The following PCED1B variants were observed in gnomAD, a reference collection of about 807,000 sequenced individuals.
The protein encoded by PCED1B is PC-esterase domain containing 1B, also known as PC-esterase domain-containing protein 1B.
For missense variants in PCED1B, 573 were observed against 573.9 expected, an observed-to-expected ratio of 1.00 and a Z score of 0.02; for synonymous variants, 251 against 246.1, an observed-to-expected ratio of 1.02 and a Z score of -0.19.
intron 3 of PCED1B, among the ~76,000 whole-genome samples, chr12:47,228,873 CAA>C (rs1191004753): frequency 1.5e-5 from 2 of 137,658 alleles, no homozygotes; most frequent in East Asian, 2.1e-4. Context: ...AACTCCGTCT[CAA>C]AAAAAAAAAG....
intron 2 of PCED1B, among the ~76,000 whole-genome samples, chr12:47,144,219 A>G (rs750352079): frequency 1.3e-5 from 2 of 152,148 alleles, no homozygotes; most frequent in Non-Finnish European, 2.9e-5. Context: ...GCAGCCGAGG[A>G]GCAATGCACT....
rs201460011 is a variant in PCED1B at position 47,217,436 on chromosome 12, AAAAG to A, written c.-58+767_-58+770del. 6.5e-3 allele frequency among the ~76,000 whole-genome samples: 555 copies of A among 85,660 alleles called. 16 individuals carry two copies. The highest frequency in any genetic ancestry group is 0.021 in the African/African-American group (153 of 7,356). The allele number at this position is 85,660 out of a possible 152,430, so 56.2% of individuals were successfully genotyped here. A position where few individuals can be genotyped will look rare whatever the true frequency, so the allele number is the denominator to read the frequency against. On this transcript the variant is annotated intron_variant, in intron 3 of 3. Transcript: ENST00000546455. ...GAGAGAGACAGAGAAAGAAGAAAAA[AAAAG>A]AAAGAAAGAAAGAAAGAAAAAGAAA...
At chr12:47,099,029 C>A (rs1468754131) in intron 1 of PCED1B, among the ~76,000 whole-genome samples, 1 of 152,172 alleles carries the variant, frequency 6.6e-6, no homozygotes, top group Non-Finnish European at 1.5e-5. Flanking sequence ...CGATTCCCAG[C>A]CACCACTCAT....
chr12:47,224,287 G>T (rs758802325), intron 3 of PCED1B, among the ~76,000 whole-genome samples: 14 of 152,182 alleles, frequency 9.2e-5, no homozygotes, highest in Non-Finnish European at 1.9e-4. Flanking sequence ...TTTTACAGAA[G>T]TTACCTGCAT....
intron 2 of PCED1B, among the ~76,000 whole-genome samples, chr12:47,136,290 T>A (rs1940370669): frequency 6.6e-6 from 1 of 152,194 alleles, no homozygotes; most frequent in Non-Finnish European, 1.5e-5. Flanking sequence ...AAAATTAGCC[T>A]GTCCACCTGT....
intron 2 of PCED1B, among the ~76,000 whole-genome samples, chr12:47,205,263 C>T (rs749894119): frequency 8.5e-5 from 13 of 152,094 alleles, no homozygotes; most frequent in Non-Finnish European, 1.5e-4. Flanking sequence ...GCCAGTTTAT[C>T]GATCTGGGTG....
intron 3 of PCED1B, among the ~76,000 whole-genome samples, chr12:47,224,482 G>C (rs978802194): frequency 1.1e-4 from 16 of 152,188 alleles, no homozygotes; most frequent in Non-Finnish European, 1.9e-4. Context: ...TATTTAAAAA[G>C]AATTACAAAT....
At chr12:47,184,983 T>C (rs1942209148) in intron 2 of PCED1B, among the ~76,000 whole-genome samples, 1 of 152,146 alleles carries the variant, frequency 6.6e-6, no homozygotes, top group Non-Finnish European at 1.5e-5. Flanking sequence ...AGTTCAACTG[T>C]GTAGTAATGC....
At chr12:47,095,656 C>G (rs1452046434) in intron 1 of PCED1B, among the ~76,000 whole-genome samples, 1 of 152,076 alleles carries the variant, frequency 6.6e-6, no homozygotes, top group Non-Finnish European at 1.5e-5. Flanking sequence ...CTGATCCAGC[C>G]CATTATTCAC....
At chr12:47,107,080 C>T (rs1169450187) in intron 2 of PCED1B, among the ~76,000 whole-genome samples, 1 of 152,190 alleles carries the variant, frequency 6.6e-6, no homozygotes, top group Non-Finnish European at 1.5e-5. Flanking sequence ...CTTGGTTAAT[C>T]TCCTTGAAGC....
chr12:47,167,225 G>A (rs952899444), intron 2 of PCED1B, among the ~76,000 whole-genome samples: 1 of 152,032 alleles, frequency 6.6e-6, no homozygotes, highest in Non-Finnish European at 1.5e-5. Context: ...TGTTGGTCTC[G>A]ATGGCCTTTA....
intron 2 of PCED1B, among the ~76,000 whole-genome samples, chr12:47,173,426 G>A (rs1221445265): frequency 1.3e-5 from 2 of 152,046 alleles, no homozygotes; most frequent in Admixed American, 1.3e-4. Context: ...GCTAATTTTT[G>A]TATTTTTAGT....
At chr12:47,139,526 G>A (rs1337867626) in intron 2 of PCED1B, among the ~76,000 whole-genome samples, 1 of 152,214 alleles carries the variant, frequency 6.6e-6, no homozygotes, top group Non-Finnish European at 1.5e-5. Flanking sequence ...AGGCAAAGAG[G>A]AAGGCGTAGC....
intron 2 of PCED1B, among the ~76,000 whole-genome samples, chr12:47,202,642 C>T (rs918977038): frequency 2.8e-5 from 4 of 141,422 alleles, no homozygotes; most frequent in East Asian, 2.0e-4. Flanking sequence ...AAAATTGCAA[C>T]GCTGCAAAAC....
chr12:47,197,213 T>C (rs188436303), intron 2 of PCED1B, among the ~76,000 whole-genome samples: 2,008 of 118,084 alleles, frequency 0.017, 40 homozygotes, highest in African/African-American at 0.063. Flanking sequence ...CACTCCAGCC[T>C]GGGTGACAGA....
intron 2 of PCED1B, among the ~76,000 whole-genome samples, chr12:47,181,575 C>T: frequency 6.6e-6 from 1 of 151,904 alleles, no homozygotes; most frequent in Admixed American, 6.6e-5. Context: ...CCATGTTGGC[C>T]AGGCAGGTCT....
chr12:47,221,338 CTTTT>C (rs63059763), intron 3 of PCED1B, among the ~76,000 whole-genome samples: 207 of 108,888 alleles, frequency 1.9e-3, no homozygotes, highest in Non-Finnish European at 2.5e-3. Flanking sequence ...CATCAAAATT[CTTTT>C]TTTTTTTTTT....
chr12:47,091,272 A>C (rs892117354), intron 1 of PCED1B, among the ~76,000 whole-genome samples: 27 of 152,072 alleles, frequency 1.8e-4, no homozygotes, highest in African/African-American at 6.3e-4. Context: ...GTTTTATGTT[A>C]TTTTATTATG....
chr12:47,080,103 C>G (rs2137121208), intron 1 of PCED1B, among the ~76,000 whole-genome samples: 1 of 152,274 alleles, frequency 6.6e-6, no homozygotes, highest in East Asian at 1.9e-4. Flanking sequence ...CAGCTCCCAC[C>G]CGGACCTCTA....
Sources: allele counts gnomAD v4.1 joint callset (sites outside exome capture counted in the v4.1 genomes callset), GRCh38; gene constraint gnomAD v4.1.1; transcripts MANE v1.5; gene names NCBI Gene and HGNC (gene_info 2026-07-23, HGNC 2026-07-21).